ADAMTS16: variants seen among roughly 807,000 people sequenced by gnomAD.
ADAMTS16 encodes the protein A disintegrin and metalloproteinase with thrombospondin motifs 16.
In ADAMTS16, 94 loss-of-function variants were observed where a neutral mutation model predicts 145.8. The observed-to-expected ratio is 0.64, with a 90% CI of 0.55 to 0.77. ADAMTS16 has a LOEUF of 0.77. Among genes scored for constraint, ADAMTS16 ranks in the 30% least tolerant of loss-of-function variants. ADAMTS16 has a pLI of 0.00. For missense variants in ADAMTS16, 1,585 were observed against 1,591.5 expected (o/e 1.00, Z 0.07); for synonymous variants, 659 against 604.3 (o/e 1.09, Z -1.33).
chr5:5,291,285 G>A (rs890628399), intron 18 of ADAMTS16, among the ~76,000 whole-genome samples: 3 of 152,034 alleles, frequency 2.0e-5, no homozygotes, highest in African/African-American at 7.3e-5. Flanking sequence ...ACTGCTATAG[G>A]AAAACATGGC....
intron 17 of ADAMTS16, among the ~76,000 whole-genome samples, chr5:5,261,334 C>T (rs148031059): frequency 0.017 from 2,600 of 152,078 alleles, 35 homozygotes; most frequent in Middle Eastern, 0.058. Flanking sequence ...GATGGGGTTT[C>T]GCCACATTGC....
rs1739887289 is a variant in ADAMTS16 at position 5,303,575 on chromosome 5, T to C, written c.2995T>C (p.Ser999Pro). ...AWSAGPWAECSHTCGKGWRKR... is the reference protein window; with the variant it reads ...AWSAGPWAECPHTCGKGWRKR... ...TTATCCTGACTGTTCTGTGCAGTGC[T>C]CACACACCTGTGGGAAGGGGTGGAG... is the stretch of plus-strand genomic sequence containing the variant. The change falls in exon 20 of 23, where the codon TCA becomes CCA. Residue 999 changes from serine (S) to proline (P), a missense_variant. Around this residue, in one of 3 missense-constraint regions of ADAMTS16, gnomAD observed 834 missense variants for 811.7 expected, o/e 1.03. Coordinates refer to ENST00000274181, the MANE Select transcript of ADAMTS16 (RefSeq NM_139056.4). 6.2e-7 allele frequency: 1 copy of C among 1,614,084 alleles called. No individual in the cohort carries two copies. The highest frequency in any genetic ancestry group is 2.2e-5 in the East Asian group (1 of 44,866).
At chr5:5,215,717 GTATATATATATGTGGTA>G (rs1262976146) in intron 10 of ADAMTS16, among the ~76,000 whole-genome samples, 9 of 133,944 alleles carry the variant, frequency 6.7e-5, no homozygotes, top group Middle Eastern at 4.0e-3. Flanking sequence ...TATATATGTG[GTATATATATATGTGGTA>G]TATATATATA....
rs1036729111 is a variant in ADAMTS16 at position 5,303,441 on chromosome 5, C to G, written c.2963C>G (p.Pro988Arg). The G allele has an allele frequency of 1.2e-6, 2 of 1,611,246 alleles. No individual in the cohort carries two copies. The highest frequency in any genetic ancestry group is 1.1e-5 in the South Asian group (1 of 90,654). The change falls in exon 19 of 23, where the codon CCT becomes CGT. Residue 988 changes from proline to arginine, a missense_variant. Coordinates refer to ENST00000274181, the MANE Select transcript of ADAMTS16 (RefSeq NM_139056.4). ...RQACNSQSCP[P>R]AWSAGPWAEC... Reference sequence around the variant, plus strand: ...GCCTGCAACTCTCAGAGCTGCCCACCTGCATGGAGCGCCGGGCCCTGGGCA... The same window carrying G: ...GCCTGCAACTCTCAGAGCTGCCCACGTGCATGGAGCGCCGGGCCCTGGGCA...
chr5:5,250,739 GCGCACTCC>G (rs1553994638), intron 17 of ADAMTS16, among the ~76,000 whole-genome samples: 1 of 142,382 alleles, frequency 7.0e-6, no homozygotes, highest in Non-Finnish European at 1.6e-5. Context: ...GTGTGTGTGC[GCGCACTCC>G]TGGAGAGGCA....
intron 3 of ADAMTS16, among the ~76,000 whole-genome samples, chr5:5,157,778 T>A (rs1410447455): frequency 1.3e-5 from 2 of 152,238 alleles, no homozygotes; most frequent in Non-Finnish European, 2.9e-5. Context: ...CTTCAATGTG[T>A]TAAACCCCTC....
intron 17 of ADAMTS16, among the ~76,000 whole-genome samples, chr5:5,262,358 G>A (rs1285232202): frequency 6.6e-6 from 1 of 152,212 alleles, no homozygotes; most frequent in Non-Finnish European, 1.5e-5. Flanking sequence ...AAAGAAGCAG[G>A]TACATTTCAG....
chr5:5,285,966 C>A (rs1229925105), intron 18 of ADAMTS16, among the ~76,000 whole-genome samples: 1 of 152,138 alleles, frequency 6.6e-6, no homozygotes, highest in Non-Finnish European at 1.5e-5. Flanking sequence ...TTCTCTGTTG[C>A]GACTTGTGCG....
At position 5,200,164 on chromosome 5, in the gene ADAMTS16, T is replaced by C. The variant is rs1290083512; in HGVS notation, c.1346T>C (p.Met449Thr). ...FGMIHDGEGN[M>T]CKKSEGNIMS... ...ATGATTCATGATGGAGAAGGGAACATGTGCAAAAAGTCCGAGGGCAACATC... is the reference window on the plus strand; with the variant it reads ...ATGATTCATGATGGAGAAGGGAACACGTGCAAAAAGTCCGAGGGCAACATC... Residue 449 changes from methionine (M) to threonine (T), a missense_variant, in exon 9 of 23, where the codon ATG becomes ACG. Transcript: ENST00000274181. 1.2e-6 allele frequency: 2 copies of C among 1,613,598 alleles called. No homozygotes were observed. The highest frequency in any genetic ancestry group is 2.2e-5 in the South Asian group (2 of 90,998).
At chr5:5,237,983 G>A (rs929198309) in intron 14 of ADAMTS16, among the ~76,000 whole-genome samples, 2 of 152,094 alleles carry the variant, frequency 1.3e-5, no homozygotes, top group African/African-American at 4.8e-5. Flanking sequence ...CATATCCTAC[G>A]GAGTCCAAAA....
In ADAMTS16 at chr5:5,182,089, C is replaced by T. The variant is rs911281987; in HGVS notation, c.547C>T (p.Leu183Phe). The T allele has an allele frequency of 6.2e-7, 1 of 1,613,892 alleles. No individual in the cohort carries two copies. Among genetic ancestry groups the T allele is most frequent in the Non-Finnish European group, 8.5e-7 (1 of 1,179,976 alleles). Reference protein sequence around the residue: ...TEEADYFLRPLPSHLSWKLGR... With the variant: ...TEEADYFLRPFPSHLSWKLGR... ...AGAGGCAGATTACTTCCTAAGGCCA[C>T]TTCCTTCACACCTCTCATGGAAACT... Residue 183 changes from leucine to phenylalanine, a missense_variant, in exon 4 of 23, where the codon CTT becomes TTT. Physicochemically the swap from Leu to Phe is conservative, Grantham distance 22. Coordinates refer to ENST00000274181, the MANE Select transcript of ADAMTS16 (RefSeq NM_139056.4).
chr5:5,292,491 C>G (rs1739370026), intron 18 of ADAMTS16, among the ~76,000 whole-genome samples: 1 of 132,210 alleles, frequency 7.6e-6, no homozygotes, highest in African/African-American at 2.9e-5. Context: ...GAGTGGGACT[C>G]CAGCTCAAAT....
chr5:5,303,813 C>A (rs764843861), intron 20 of ADAMTS16, 47 bp downstream of exon 20: 5 of 1,587,546 alleles, frequency 3.1e-6, no homozygotes, highest in Non-Finnish European at 3.4e-6. Flanking sequence ...GCTCTCCCCT[C>A]GGGACTGCCT....
rs142594999 is a variant in ADAMTS16, at chr5:5,287,983, C to G, written c.2790-15285C>G. On this transcript the variant is annotated intron_variant, in intron 18 of 22. Coordinates refer to ENST00000274181, the MANE Select transcript of ADAMTS16 (RefSeq NM_139056.4). ...AAATCTCAGAAAAACGGCTCAAGAG[C>G]CTGGAGAAGATCATTTCTAAGTATT... Among the ~76,000 whole-genome samples, 23 of 152,194 alleles carry G rather than the reference C, an allele frequency of 1.5e-4. No individual in the cohort carries two copies. In the East Asian group the frequency reaches 4.3e-3, roughly 28 times the overall value.
At chr5:5,305,063 CCACACACACACACACA>C (rs746089868) in intron 20 of ADAMTS16, among the ~76,000 whole-genome samples, 1 of 51,260 alleles carries the variant, frequency 2.0e-5, no homozygotes, top group African/African-American at 7.5e-5. Flanking sequence ...ACATCCCACA[CCACACACACACACACA>C]CATCCCACAC....
intron 18 of ADAMTS16, among the ~76,000 whole-genome samples, chr5:5,273,555 T>C (rs1738566348): frequency 6.6e-6 from 1 of 152,152 alleles, no homozygotes; most frequent in Non-Finnish European, 1.5e-5. Context: ...ATAAACACTG[T>C]TAGGGAGCTG....
intron 3 of ADAMTS16, among the ~76,000 whole-genome samples, chr5:5,162,898 T>C (rs1428013): frequency 0.27 from 41,374 of 152,100 alleles, 6,095 homozygotes; most frequent in Middle Eastern, 0.39. Flanking sequence ...AGAGAGTGGA[T>C]GGTCTCCTTA....
chr5:5,303,789 A>G, intron 20 of ADAMTS16, 23 bp downstream of exon 20: 2 of 1,608,126 alleles, frequency 1.2e-6, no homozygotes, highest in Non-Finnish European at 1.7e-6. Flanking sequence ...GTCTCGCGGG[A>G]GCGAGGTTGA....
chr5:5,170,309 C>A (rs1579286149), intron 3 of ADAMTS16, among the ~76,000 whole-genome samples: 1 of 152,102 alleles, frequency 6.6e-6, no homozygotes, highest in East Asian at 1.9e-4. Context: ...TACCTGTTTG[C>A]CATTTGTATG....
Sources: allele counts gnomAD v4.1 joint callset (sites outside exome capture counted in the v4.1 genomes callset), GRCh38; gene constraint gnomAD v4.1.1; regional missense constraint gnomAD v4.1.1; transcripts MANE v1.5; gene names NCBI Gene and HGNC (gene_info 2026-07-23, HGNC 2026-07-21).